The following BMP6 variants were observed in gnomAD, a reference collection of about 807,000 sequenced individuals.
The protein encoded by BMP6 is VG-1-R.
Under a neutral mutation model 54.1 loss-of-function variants are expected in BMP6, and 17 were observed. The observed-to-expected ratio is 0.31, with a 90% CI of 0.22 to 0.47. BMP6 has a LOEUF of 0.47. Ranked by LOEUF, BMP6 falls within the 20% of genes least tolerant of loss-of-function variation. The pLI, the probability that BMP6 is intolerant of heterozygous loss-of-function variation, is 1.00. For missense variants in BMP6, 720 were observed against 690.4 expected (o/e 1.04, Z -0.48); for synonymous variants, 328 against 291.2 (o/e 1.13, Z -1.28).
chr6:7,845,011 C>T (rs267192), intron 1 of BMP6, 129 bp from the exon 2 acceptor site: 321,626 of 801,822 alleles, frequency 0.4, 68,673 homozygotes, highest in East Asian at 0.74. Flanking sequence ...GTTCACTACC[C>T]GATCCCCGTA....
At chr6:7,727,957 C>A (rs779010915) in intron 1 of BMP6, among the ~76,000 whole-genome samples, 23 of 152,074 alleles carry the variant, frequency 1.5e-4, no homozygotes, top group Non-Finnish European at 2.8e-4. Flanking sequence ...CAGCTCTGGC[C>A]AGGTTAACTC....
intron 1 of BMP6, among the ~76,000 whole-genome samples, chr6:7,837,958 ACT>A (rs1422241332): frequency 6.6e-6 from 1 of 152,084 alleles, no homozygotes; most frequent in Non-Finnish European, 1.5e-5. Context: ...GAATCAAATG[ACT>A]CTACAGATAA....
At chr6:7,731,409 T>G (rs1186796839) in intron 1 of BMP6, among the ~76,000 whole-genome samples, 2 of 152,220 alleles carry the variant, frequency 1.3e-5, no homozygotes, top group Non-Finnish European at 2.9e-5. Context: ...TTCTGTACCA[T>G]GACAGCACTC....
intron 1 of BMP6, among the ~76,000 whole-genome samples, chr6:7,733,195 T>C (rs567232943): frequency 1.3e-5 from 2 of 152,346 alleles, no homozygotes; most frequent in Non-Finnish European, 2.9e-5. Flanking sequence ...CTCACGCCAC[T>C]GCGTCCGGCC....
At chr6:7,764,677 C>T (rs947925290) in intron 1 of BMP6, among the ~76,000 whole-genome samples, 2 of 152,146 alleles carry the variant, frequency 1.3e-5, no homozygotes, top group Non-Finnish European at 2.9e-5. Flanking sequence ...GGCAGGGTCT[C>T]GCTATGTTGC....
chr6:7,830,575 T>C (rs1341387348), intron 1 of BMP6, among the ~76,000 whole-genome samples: 1 of 152,198 alleles, frequency 6.6e-6, no homozygotes, highest in Non-Finnish European at 1.5e-5. Context: ...GAGAGTGTAT[T>C]AGTCCATTTT....
intron 1 of BMP6, among the ~76,000 whole-genome samples, chr6:7,811,993 G>GT (rs1758442745): frequency 6.6e-6 from 1 of 152,196 alleles, no homozygotes; most frequent in Non-Finnish European, 1.5e-5. Context: ...TCATAGCTTT[G>GT]TATCAACATA....
chr6:7,786,398 G>A (rs1341941758), intron 1 of BMP6, among the ~76,000 whole-genome samples: 1 of 151,548 alleles, frequency 6.6e-6, no homozygotes, highest in Non-Finnish European at 1.5e-5. Flanking sequence ...GAGAATTCTG[G>A]TCGTGTGCTA....
Position 7,856,595 on chromosome 6 carries a change from A to ATTTTTTTTTTTTTTTTTTTTTTTTT in BMP6, c.858-4837_858-4836insTTTTTTTTTTTTTTTTTTTTTTTTT, listed in dbSNP as rs70982115. ...ATATAAATGCCAGTTTATCAAGAGC[A>ATTTTTTTTTTTTTTTTTTTTTTTTT]TTTTTTTTTTTTTTTTTTTGAGACG... On this transcript the variant is annotated intron_variant, in intron 2 of 6. Transcript: ENST00000283147. Among the ~76,000 whole-genome samples, 19 of 83,040 alleles carry ATTTTTTTTTTTTTTTTTTTTTTTTT rather than the reference A, an allele frequency of 2.3e-4. 3 individuals are homozygous for ATTTTTTTTTTTTTTTTTTTTTTTTT. Among genetic ancestry groups the ATTTTTTTTTTTTTTTTTTTTTTTTT allele is most frequent in the Admixed American group, 4.6e-4 (3 of 6,582 alleles). 54.5% of individuals were successfully genotyped at this position (83,040 alleles called of 152,430 possible).
At chr6:7,759,010 T>C (rs913835019) in intron 1 of BMP6, among the ~76,000 whole-genome samples, 1 of 152,226 alleles carries the variant, frequency 6.6e-6, no homozygotes, top group African/African-American at 2.4e-5. Context: ...GTCTTATTCT[T>C]GTTTATATCT....
chr6:7,805,681 CAG>C (rs1464284774), intron 1 of BMP6, among the ~76,000 whole-genome samples: 1 of 151,840 alleles, frequency 6.6e-6, no homozygotes, highest in African/African-American at 2.4e-5. Context: ...GGAAAACAAA[CAG>C]TGTCAATATT....
chr6:7,752,559 GTTTT>G (rs5874110), intron 1 of BMP6, among the ~76,000 whole-genome samples: 6 of 122,448 alleles, frequency 4.9e-5, no homozygotes, highest in Non-Finnish European at 6.8e-5. Flanking sequence ...TTCAACATAG[GTTTT>G]TTTTTTTTTT....
chr6:7,767,656 C>T lies in BMP6; in HGVS notation c.664+40037C>T, dbSNP rs146839623. ...ATTCAAGCCAGAGATAATTTCTTATCCAGGAACCAGTTGGCAAATCTTTTG... is the reference window on the plus strand; with the variant it reads ...ATTCAAGCCAGAGATAATTTCTTATTCAGGAACCAGTTGGCAAATCTTTTG... On this transcript the variant is annotated intron_variant, in intron 1 of 6. Transcript: ENST00000283147. Among the ~76,000 whole-genome samples, 3 of 152,312 alleles carry T rather than the reference C, an allele frequency of 2.0e-5. No homozygotes were observed. In the East Asian group the frequency reaches 5.8e-4, roughly 29 times the overall value.
At chr6:7,817,662 A>G (rs1405521139) in intron 1 of BMP6, among the ~76,000 whole-genome samples, 1 of 151,998 alleles carries the variant, frequency 6.6e-6, no homozygotes, top group Non-Finnish European at 1.5e-5. Flanking sequence ...AACATGGCAC[A>G]TGTATACATA....
At chr6:7,772,051 CAAAA>C (rs68086058) in intron 1 of BMP6, among the ~76,000 whole-genome samples, 1 of 141,292 alleles carries the variant, frequency 7.1e-6, no homozygotes, top group Non-Finnish European at 1.5e-5. Flanking sequence ...AAGCCTGCCT[CAAAA>C]AAAAAAACCA....
At chr6:7,794,131 AT>A (rs1488427891) in intron 1 of BMP6, among the ~76,000 whole-genome samples, 3 of 152,016 alleles carry the variant, frequency 2.0e-5, no homozygotes, top group Non-Finnish European at 4.4e-5. Flanking sequence ...TGACTTGGAG[AT>A]TCTTTTTGTG....
At chr6:7,835,296 G>A (rs1230678115) in intron 1 of BMP6, among the ~76,000 whole-genome samples, 1 of 152,094 alleles carries the variant, frequency 6.6e-6, no homozygotes, top group African/African-American at 2.4e-5. Context: ...CTAATTTTTT[G>A]TATTTTTAGT....
intron 1 of BMP6, among the ~76,000 whole-genome samples, chr6:7,785,262 A>G (rs1290381309): frequency 6.6e-6 from 1 of 152,228 alleles, no homozygotes. Flanking sequence ...AATAGATGAT[A>G]TTTTAAAGTG....
chr6:7,755,792 GA>G (rs1374890458), intron 1 of BMP6, among the ~76,000 whole-genome samples: 1 of 151,910 alleles, frequency 6.6e-6, no homozygotes, highest in Non-Finnish European at 1.5e-5. Context: ...CTGTGTTGTG[GA>G]AAGATATTCA....
Sources: allele counts gnomAD v4.1 joint callset (sites outside exome capture counted in the v4.1 genomes callset), GRCh38; gene constraint gnomAD v4.1.1; transcripts MANE v1.5; gene names NCBI Gene and HGNC (gene_info 2026-07-23, HGNC 2026-07-21).